Variants in TAOK3 observed in about 807,000 individuals in gnomAD.
The protein encoded by TAOK3 is TAO kinase 3.
A neutral mutation model predicts 120.4 loss-of-function variants in TAOK3; 40 were observed. That is an observed-to-expected ratio of 0.33 (90% CI 0.26 to 0.43). The LOEUF (loss-of-function observed/expected upper bound fraction) is 0.43, where lower values mean the gene tolerates loss of function less well. TAOK3 is among the 20% of genes least tolerant of loss of function. The pLI is 1.00. For synonymous variants in TAOK3, 355 were observed against 387.5 expected (o/e 0.92, Z 0.99); for missense variants, 821 against 1,112.1 (o/e 0.74, Z 3.72).
At chr12:118,333,584 G>A (rs564629260) in intron 1 of TAOK3, among the ~76,000 whole-genome samples, 8 of 151,316 alleles carry the variant, frequency 5.3e-5, no homozygotes, top group African/African-American at 1.9e-4. Context: ...TCCTAGAACA[G>A]GAAGAGCAAC....
intron 1 of TAOK3, among the ~76,000 whole-genome samples, chr12:118,315,483 A>C (rs964497111): frequency 6.6e-6 from 1 of 152,218 alleles, no homozygotes; most frequent in Non-Finnish European, 1.5e-5. Flanking sequence ...CACATAAATA[A>C]GAGTACAAAT....
In TAOK3 at chr12:118,242,258, C is replaced by G. The variant is rs75198241; in HGVS notation, c.294+1157G>C. Among the ~76,000 whole-genome samples, 283 of 152,260 alleles carry G rather than the reference C, an allele frequency of 1.9e-3. 2 individuals are homozygous for G. Among genetic ancestry groups the G allele is most frequent in the Non-Finnish European group, 3.4e-3 (229 of 68,032 alleles). On this transcript the variant is annotated intron_variant, in intron 5 of 20. Coordinates refer to ENST00000392533, the MANE Select transcript of TAOK3 (RefSeq NM_016281.4). The stretch of plus-strand genomic sequence containing the variant: ...GCTGAGATTGCCAGAGAACTGATTT[C>G]TAGACAATGAGATATGTCTTTGATT...
At chr12:118,271,869 G>C (rs1347945475) in intron 1 of TAOK3, among the ~76,000 whole-genome samples, 1 of 152,050 alleles carries the variant, frequency 6.6e-6, no homozygotes, top group Non-Finnish European at 1.5e-5. Flanking sequence ...GAAATAACAG[G>C]CATAAAATAA....
chr12:118,265,217 C>T (rs1248533311), intron 2 of TAOK3, among the ~76,000 whole-genome samples: 4 of 150,942 alleles, frequency 2.7e-5, no homozygotes, highest in South Asian at 2.1e-4. Flanking sequence ...GGTGAAACCC[C>T]GTCTCTACTA....
chr12:118,151,291 A>G (rs199866275), intron 20 of TAOK3, 133 bp from the exon 21 acceptor site: 15,267 of 52,030 alleles, frequency 0.29, 126 homozygotes, highest in Middle Eastern at 0.43. Flanking sequence ...GCGCGCGCGC[A>G]CACACACACA....
At chr12:118,238,267 A>C in intron 6 of TAOK3, 98 bp from the exon 7 acceptor site, 2 of 620,130 alleles carry the variant, frequency 3.2e-6, no homozygotes, top group Non-Finnish European at 5.5e-6. Flanking sequence ...ATACTTTCTC[A>C]CATGACAATT....
At chr12:118,174,519 A>G (rs2036201963) in intron 16 of TAOK3, among the ~76,000 whole-genome samples, 1 of 152,098 alleles carries the variant, frequency 6.6e-6, no homozygotes, top group Admixed American at 6.6e-5. Context: ...CTGTGGGAAA[A>G]TCTTCTAGAA....
At chr12:118,307,744 TTAAAAA>T (rs2043103899) in intron 1 of TAOK3, among the ~76,000 whole-genome samples, 1 of 152,144 alleles carries the variant, frequency 6.6e-6, no homozygotes, top group Non-Finnish European at 1.5e-5. Context: ...AGTTCTTTCC[TTAAAAA>T]ACAAAAGTTC....
intron 2 of TAOK3, among the ~76,000 whole-genome samples, chr12:118,263,259 T>C (rs1421178435): frequency 6.6e-6 from 1 of 152,208 alleles, no homozygotes; most frequent in Non-Finnish European, 1.5e-5. Context: ...TTGTCTTCAA[T>C]GAATGGTACT....
intron 1 of TAOK3, among the ~76,000 whole-genome samples, chr12:118,326,468 C>T (rs766057203): frequency 3.9e-5 from 6 of 152,038 alleles, no homozygotes; most frequent in Non-Finnish European, 8.8e-5. Context: ...GGATGACTTT[C>T]GCTATTCTGG....
At chr12:118,190,133 C>T in intron 13 of TAOK3, 192 bp from the exon 14 acceptor site, 1 of 638,382 alleles carries the variant, frequency 1.6e-6, no homozygotes, top group Non-Finnish European at 2.6e-6. Context: ...GGAATGTCAG[C>T]TGATCGCTAG....
At chr12:118,245,524 G>A (rs1424256477) in intron 3 of TAOK3, among the ~76,000 whole-genome samples, 16 of 147,914 alleles carry the variant, frequency 1.1e-4, no homozygotes, top group East Asian at 8.1e-4. Flanking sequence ...CACCATTTTG[G>A]CCAGGCTGGT....
At chr12:118,217,679 A>G (rs1335062081) in intron 9 of TAOK3, among the ~76,000 whole-genome samples, 2 of 150,518 alleles carry the variant, frequency 1.3e-5, no homozygotes, top group African/African-American at 2.5e-5. Flanking sequence ...GTGAGACTCC[A>G]TCTCAAAAAT....
At chr12:118,360,976 A>G (rs920150886) in intron 1 of TAOK3, among the ~76,000 whole-genome samples, 3 of 152,222 alleles carry the variant, frequency 2.0e-5, no homozygotes, top group Non-Finnish European at 4.4e-5. Flanking sequence ...ACTTCTCACT[A>G]TGAGTCATCA....
intron 1 of TAOK3, among the ~76,000 whole-genome samples, chr12:118,292,706 G>A (rs1370056254): frequency 6.6e-6 from 1 of 152,122 alleles, no homozygotes; most frequent in Non-Finnish European, 1.5e-5. Flanking sequence ...CAGAATTAGT[G>A]GCTTGATAAA....
intron 1 of TAOK3, among the ~76,000 whole-genome samples, chr12:118,349,470 T>C (rs1292766432): frequency 1.3e-5 from 2 of 152,214 alleles, no homozygotes; most frequent in Non-Finnish European, 2.9e-5. Flanking sequence ...GGATGAATCT[T>C]GAAACATTAT....
At chr12:118,229,389 C>T (rs1210133081) in intron 9 of TAOK3, among the ~76,000 whole-genome samples, 2 of 151,988 alleles carry the variant, frequency 1.3e-5, no homozygotes, top group African/African-American at 4.8e-5. Context: ...CATGAGCCAC[C>T]GCATCTGGCC....
intron 1 of TAOK3, among the ~76,000 whole-genome samples, chr12:118,354,547 T>C (rs1418470958): frequency 1.3e-5 from 2 of 152,092 alleles, no homozygotes; most frequent in Non-Finnish European, 2.9e-5. Flanking sequence ...GAGGATCACT[T>C]GAGGCCAGAC....
chr12:118,275,336 T>G (rs1328560152), intron 1 of TAOK3, among the ~76,000 whole-genome samples: 2 of 152,004 alleles, frequency 1.3e-5, no homozygotes, highest in Non-Finnish European at 2.9e-5. Flanking sequence ...GGTCTTGCTA[T>G]GTTGCCCAGA....
Sources: gnomAD v4.1 joint callset for allele counts (sites outside exome capture counted in the v4.1 genomes callset) on GRCh38, gnomAD v4.1.1 for gene constraint, MANE v1.5 for transcripts, NCBI Gene and HGNC (gene_info 2026-07-23, HGNC 2026-07-21) for gene names.